CHD6: variants seen among roughly 807,000 people sequenced by gnomAD.
The protein encoded by CHD6 is chromodomain helicase DNA binding protein 6.
CHD6 carries 50 observed loss-of-function variants against 276.9 expected under a neutral mutation model. The observed-to-expected ratio is 0.18, with a 90% CI of 0.14 to 0.23. The LOEUF (loss-of-function observed/expected upper bound fraction) is 0.23. Ranked by LOEUF, CHD6 falls within the 10% of genes least tolerant of loss-of-function variation. The pLI, the probability that CHD6 is intolerant of heterozygous loss-of-function variation, is 1.00. For synonymous variants in CHD6, 1,173 were observed against 1,229.3 expected, an observed-to-expected ratio of 0.95 and a Z score of 0.96; for missense variants, 2,564 against 3,365.8, an observed-to-expected ratio of 0.76 and a Z score of 5.89.
intron 1 of CHD6, among the ~76,000 whole-genome samples, chr20:41,593,825 G>C (rs768289936): frequency 2.0e-5 from 3 of 152,116 alleles, no homozygotes; most frequent in Non-Finnish European, 4.4e-5. Flanking sequence ...GCAAGAGGCA[G>C]CTATCTACAA....
intron 1 of CHD6, among the ~76,000 whole-genome samples, chr20:41,570,674 C>CTAT (rs1297592669): frequency 1.3e-5 from 2 of 152,190 alleles, no homozygotes; most frequent in Non-Finnish European, 2.9e-5. Context: ...ATACCACCAG[C>CTAT]TATTGAAAGC....
rs562759217 is a variant in CHD6 at position 41,571,817 on chromosome 20, A to G, written c.-23-20457T>C. Among the ~76,000 whole-genome samples the G allele has an allele frequency of 1.1e-4, 16 of 152,336 alleles. No homozygotes were observed. In the East Asian group the frequency reaches 3.1e-3, roughly 29 times the overall value. On this transcript the variant is annotated intron_variant, in intron 1 of 36. Coordinates refer to ENST00000373233, the MANE Select transcript of CHD6 (RefSeq NM_032221.5). ...ACCATATTTTAAATTTTAATGAAAT[A>G]TAATAGACATTATAATAGAAAGCAC... is the stretch of plus-strand genomic sequence containing the variant.
chr20:41,589,197 AGG>A (rs2045629686), intron 1 of CHD6, among the ~76,000 whole-genome samples: 2 of 152,342 alleles, frequency 1.3e-5, no homozygotes, highest in Admixed American at 6.5e-5. Context: ...TCAACAAATT[AGG>A]TATTGATGGG....
chr20:41,466,132 G>A (rs970493853), intron 17 of CHD6, among the ~76,000 whole-genome samples: 7 of 152,182 alleles, frequency 4.6e-5, no homozygotes, highest in African/African-American at 1.7e-4. Flanking sequence ...AACCCAGGAG[G>A]TGGAGGTTGC....
At chr20:41,488,284 C>A in intron 13 of CHD6, 144 bp downstream of exon 13, 1 of 723,412 alleles carries the variant, frequency 1.4e-6, no homozygotes, top group Non-Finnish European at 2.3e-6. Flanking sequence ...AATTCCTATA[C>A]TATTGCAGTT....
intron 3 of CHD6, among the ~76,000 whole-genome samples, chr20:41,529,499 A>C (rs78297442): frequency 0.054 from 8,202 of 152,144 alleles, 757 homozygotes; most frequent in African/African-American, 0.19. Context: ...GGAAGTTCAG[A>C]GGGGACACAC....
At chr20:41,573,972 T>G (rs1032893039) in intron 1 of CHD6, among the ~76,000 whole-genome samples, 5 of 152,158 alleles carry the variant, frequency 3.3e-5, no homozygotes, top group African/African-American at 1.2e-4. Context: ...AAGAGTGGAT[T>G]CCTGATCCTT....
At position 41,490,027 on chromosome 20, in the gene CHD6, G is replaced by C; in HGVS notation, c.1437-6C>G. The stretch of plus-strand genomic sequence containing the variant: ...CAGCCAAAATACAGTTTTTTCTGCA[G>C]AGAGTGAGAAATATAGGTAATTCAT... On this transcript the variant is annotated splice_region_variant and splice_polypyrimidine_tract_variant and intron_variant, in intron 11 of 36. Transcript: ENST00000373233. 2 of 1,612,152 alleles carry C rather than the reference G, an allele frequency of 1.2e-6. No individual in the cohort carries two copies. The highest frequency in any genetic ancestry group is 1.7e-6 in the Non-Finnish European group (2 of 1,178,284).
At chr20:41,552,101 T>G (rs1010980172) in intron 1 of CHD6, among the ~76,000 whole-genome samples, 3 of 152,222 alleles carry the variant, frequency 2.0e-5, no homozygotes, top group African/African-American at 7.2e-5. Flanking sequence ...AACCCTAGTC[T>G]AGGAAACCCA....
At chr20:41,494,835 T>C (rs2043643020) in intron 8 of CHD6, among the ~76,000 whole-genome samples, 2 of 152,220 alleles carry the variant, frequency 1.3e-5, no homozygotes, top group Admixed American at 1.3e-4. Context: ...AGAAATTTAC[T>C]ACCCTTCAAG....
chr20:41,460,432 G>A (rs1293305466), intron 17 of CHD6, among the ~76,000 whole-genome samples: 3 of 152,280 alleles, frequency 2.0e-5, no homozygotes, highest in East Asian at 1.9e-4. Flanking sequence ...TCACAGGCTC[G>A]GAGGCCTAGG....
intron 18 of CHD6, 144 bp downstream of exon 18, chr20:41,457,120 T>C (rs977333743): frequency 2.3e-6 from 2 of 882,322 alleles, no homozygotes; most frequent in African/African-American, 3.4e-5. Context: ...AACGATGCCC[T>C]GTTGTAGGGA....
chr20:41,527,433 A>C (rs1046974345), intron 3 of CHD6, among the ~76,000 whole-genome samples: 1 of 152,002 alleles, frequency 6.6e-6, no homozygotes, highest in Non-Finnish European at 1.5e-5. Context: ...AAAAAAAAAG[A>C]AGCAACCTTC....
At chr20:41,527,279 A>C (rs1180050381) in intron 3 of CHD6, among the ~76,000 whole-genome samples, 1 of 152,192 alleles carries the variant, frequency 6.6e-6, no homozygotes, top group African/African-American at 2.4e-5. Context: ...TCTACTAAAA[A>C]TACAAAAAAT....
intron 1 of CHD6, among the ~76,000 whole-genome samples, chr20:41,606,605 G>A (rs1601191362): frequency 6.6e-6 from 1 of 151,974 alleles, no homozygotes; most frequent in African/African-American, 2.4e-5. Context: ...AATCCAGGAG[G>A]TGGAGGTCAC....
At chr20:41,552,120 G>A (rs2045156396) in intron 1 of CHD6, among the ~76,000 whole-genome samples, 2 of 152,144 alleles carry the variant, frequency 1.3e-5, no homozygotes, top group African/African-American at 4.8e-5. Context: ...CAGAATTTGG[G>A]GCTGCCTGCA....
chr20:41,515,068 T>TG (rs1312648304), intron 3 of CHD6, 116 bp from the exon 4 acceptor site: 9 of 1,017,228 alleles, frequency 8.8e-6, no homozygotes. Flanking sequence ...CAGGCTTTAA[T>TG]GGGGAATCTA....
At chr20:41,483,575 T>C (rs2043344044) in intron 15 of CHD6, 56 bp from the exon 16 acceptor site, 1 of 1,265,462 alleles carries the variant, frequency 7.9e-7, no homozygotes, top group South Asian at 1.5e-5. Context: ...ATAAAGGTTG[T>C]ACTCTGCTTT....
In CHD6 at chr20:41,611,677, C is replaced by T. The variant is rs547506320; in HGVS notation, c.-24+6663G>A. 3.9e-5 allele frequency among the ~76,000 whole-genome samples: 6 copies of T among 151,988 alleles called. No homozygotes were observed. In the East Asian group the frequency reaches 9.7e-4, roughly 25 times the overall value. ...TCACTCTGTCACCCAGGCTGGAGTG[C>T]GATGGCGTGATCTCAGTTCACTGGA... is the stretch of plus-strand genomic sequence containing the variant. On this transcript the variant is annotated intron_variant, in intron 1 of 36. Coordinates refer to ENST00000373233, the MANE Select transcript of CHD6 (RefSeq NM_032221.5).
Sources: allele counts gnomAD v4.1 joint callset (sites outside exome capture counted in the v4.1 genomes callset), GRCh38; gene constraint gnomAD v4.1.1; transcripts MANE v1.5; gene names NCBI Gene and HGNC (gene_info 2026-07-23, HGNC 2026-07-21).